The following SPEF2 variants were observed in gnomAD, a reference collection of about 807,000 sequenced individuals.
SPEF2 encodes sperm flagellar and cilia associated 2, also known as sperm flagella and cilia-associated protein 2.
In SPEF2, 187 loss-of-function variants were observed where a neutral mutation model predicts 224.6. That is an observed-to-expected ratio of 0.83 (90% CI 0.74 to 0.94). The LOEUF (loss-of-function observed/expected upper bound fraction) is 0.94, where lower values mean the gene tolerates loss of function less well. Ranked by LOEUF, SPEF2 falls within the 40% of genes least tolerant of loss-of-function variation. The pLI, the probability that SPEF2 is intolerant of heterozygous loss-of-function variation, is 0.00. For synonymous variants in SPEF2, 715 were observed against 707.3 expected, an observed-to-expected ratio of 1.01 and a Z score of -0.17; for missense variants, 2,170 against 2,135.6, an observed-to-expected ratio of 1.02 and a Z score of -0.32.
At chr5:35,680,423 T>C (rs1386103108) in intron 10 of SPEF2, among the ~76,000 whole-genome samples, 1 of 152,234 alleles carries the variant, frequency 6.6e-6, no homozygotes, top group Admixed American at 6.5e-5. Flanking sequence ...GTCATCTTTG[T>C]ACTTAGTTAA....
intron 36 of SPEF2, among the ~76,000 whole-genome samples, chr5:35,809,824 C>T (rs1049338183): frequency 1.3e-4 from 20 of 152,156 alleles, no homozygotes; most frequent in Admixed American, 2.0e-4. Flanking sequence ...TCCATAGGCC[C>T]ATCTCTCTAG....
At chr5:35,784,125 A>C (rs1043546406) in intron 30 of SPEF2, among the ~76,000 whole-genome samples, 4 of 150,232 alleles carry the variant, frequency 2.7e-5, no homozygotes, top group African/African-American at 4.9e-5. Context: ...TTGGAGACCG[A>C]TAGATTTTTT....
intron 36 of SPEF2, among the ~76,000 whole-genome samples, chr5:35,812,797 A>T (rs1758620603): frequency 6.6e-6 from 1 of 152,254 alleles, no homozygotes; most frequent in Non-Finnish European, 1.5e-5. Flanking sequence ...TTACATTAGG[A>T]TAACATACCT....
chr5:35,670,956 C>A, intron 10 of SPEF2: 1 of 985,350 alleles, frequency 1.0e-6, no homozygotes. Flanking sequence ...ATATCCATTT[C>A]TTTCCTCACC....
intron 20 of SPEF2, among the ~76,000 whole-genome samples, chr5:35,715,298 A>G (rs1392547326): frequency 6.6e-6 from 1 of 152,068 alleles, no homozygotes. Context: ...TTTTCACTCA[A>G]AACTCACTAA....
chr5:35,717,212 T>C (rs552168214), intron 20 of SPEF2, among the ~76,000 whole-genome samples: 1 of 152,134 alleles, frequency 6.6e-6, no homozygotes, highest in East Asian at 1.9e-4. Context: ...TCTATAACAA[T>C]GTGCATTTCA....
At chr5:35,644,576 T>G (rs772165465) in intron 4 of SPEF2, 51 bp downstream of exon 4, 2 of 1,422,736 alleles carry the variant, frequency 1.4e-6, no homozygotes, top group South Asian at 2.8e-5. Context: ...GTATACAGTT[T>G]GTGATTTATG....
At chr5:35,719,227 A>G (rs1468499597) in intron 20 of SPEF2, among the ~76,000 whole-genome samples, 1 of 152,214 alleles carries the variant, frequency 6.6e-6, no homozygotes, top group Non-Finnish European at 1.5e-5. Context: ...CACAGAAGCA[A>G]GCAGGGTTAG....
At chr5:35,777,450 C>CATTTCTGT (rs761698851) in intron 29 of SPEF2, among the ~76,000 whole-genome samples, 47 of 152,102 alleles carry the variant, frequency 3.1e-4, no homozygotes, top group Non-Finnish European at 4.7e-4. Flanking sequence ...TAATAATATT[C>CATTTCTGT]ATTTCTGTTC....
rs768660269 is a variant in SPEF2, at chr5:35,646,649, T to G, written c.586-18T>G. On this transcript the variant is annotated intron_variant, in intron 4 of 36. Coordinates refer to ENST00000356031, the MANE Select transcript of SPEF2 (RefSeq NM_024867.4). ...CTGTTATTCTGAATCACTAAACTAATGTATATGGGATATTCAGCAATACTT... is the reference window on the plus strand; with the variant it reads ...CTGTTATTCTGAATCACTAAACTAAGGTATATGGGATATTCAGCAATACTT... 6.2e-7 allele frequency: 1 copy of G among 1,607,960 alleles called. No homozygotes were observed. The highest frequency in any genetic ancestry group is 1.1e-5 in the South Asian group (1 of 89,674).
intron 8 of SPEF2, among the ~76,000 whole-genome samples, chr5:35,659,984 T>G (rs1022893427): frequency 6.6e-6 from 1 of 152,116 alleles, no homozygotes; most frequent in African/African-American, 2.4e-5. Flanking sequence ...GGTACTGTGG[T>G]GCACTGTAGT....
intron 7 of SPEF2, 84 bp downstream of exon 7, chr5:35,654,810 A>G (rs1420946086): frequency 2.6e-5 from 31 of 1,215,490 alleles, no homozygotes; most frequent in Non-Finnish European, 3.4e-5. Context: ...TGTAGTTTAT[A>G]TATGTATTGT....
chr5:35,768,645 A>G (rs2149774693), intron 26 of SPEF2, among the ~76,000 whole-genome samples: 1 of 152,316 alleles, frequency 6.6e-6, no homozygotes, highest in Middle Eastern at 3.4e-3. Context: ...TGCATTAAAC[A>G]TTGTACCCTT....
chr5:35,739,904 T>C lies in SPEF2; in HGVS notation c.3064-15T>C, dbSNP rs770345111. Reference sequence around the variant, plus strand: ...CATTTTGAAGTAACAGTTTCTACACTTTACCATTTAACAGGAAATGCCTTT... The same window carrying C: ...CATTTTGAAGTAACAGTTTCTACACCTTACCATTTAACAGGAAATGCCTTT... On this transcript the variant is annotated splice_polypyrimidine_tract_variant and intron_variant, in intron 21 of 36. Transcript: ENST00000356031. 1.2e-6 allele frequency: 2 copies of C among 1,612,384 alleles called. No homozygotes were observed. The highest frequency in any genetic ancestry group is 3.3e-5 in the Admixed American group (2 of 59,702).
chr5:35,628,505 G>C lies in SPEF2; in HGVS notation c.104G>C (p.Gly35Ala). Residue 35 changes from glycine (G) to alanine (A), a missense_variant, in exon 2 of 37, where the codon GGA (glycine) becomes GCA (alanine). Coordinates refer to ENST00000356031, the MANE Select transcript of SPEF2 (RefSeq NM_024867.4). ...AKAFSSGYLL[G>A]EVLHKFELQD... is the part of the protein sequence containing the mutation. The stretch of plus-strand genomic sequence containing the variant: ...GCATTTTCCAGTGGCTATCTACTTG[G>C]AGAAGTTCTACACAAGTTTGAACTT... The C allele has an allele frequency of 6.2e-7, 1 of 1,614,026 alleles. No homozygotes were observed. The highest frequency in any genetic ancestry group is 8.5e-7 in the Non-Finnish European group (1 of 1,179,980).
intron 23 of SPEF2, among the ~76,000 whole-genome samples, chr5:35,751,056 C>CATATGT (rs755903542): frequency 1.0e-4 from 3 of 28,598 alleles, no homozygotes; most frequent in African/African-American, 2.7e-4. Context: ...TATATATATA[C>CATATGT]GTATATATAT....
chr5:35,669,617 G>T (rs1750957866), intron 9 of SPEF2, among the ~76,000 whole-genome samples: 1 of 152,052 alleles, frequency 6.6e-6, no homozygotes, highest in South Asian at 2.1e-4. Flanking sequence ...AAGAATGATT[G>T]TTACTTTATG....
intron 16 of SPEF2, among the ~76,000 whole-genome samples, chr5:35,701,025 T>C (rs1039020524): frequency 7.9e-5 from 12 of 152,148 alleles, no homozygotes; most frequent in Admixed American, 6.5e-4. Context: ...TTGGGGTGTT[T>C]TTTTGAGACA....
intron 20 of SPEF2, among the ~76,000 whole-genome samples, chr5:35,725,339 C>T (rs1232488580): frequency 6.6e-6 from 1 of 152,168 alleles, no homozygotes; most frequent in Non-Finnish European, 1.5e-5. Flanking sequence ...GATCTGGTTT[C>T]TATCTAGTGA....
Sources: gnomAD v4.1 joint callset for allele counts (sites outside exome capture counted in the v4.1 genomes callset) on GRCh38, gnomAD v4.1.1 for gene constraint, MANE v1.5 for transcripts, NCBI Gene and HGNC (gene_info 2026-07-23, HGNC 2026-07-21) for gene names.